The following SHROOM3 variants were observed in gnomAD, a reference collection of about 807,000 sequenced individuals.
The protein encoded by SHROOM3 is shroom family member 3.
SHROOM3 carries 47 observed loss-of-function variants against 138.6 expected under a neutral mutation model. That is an observed-to-expected ratio of 0.34 (90% confidence interval 0.27 to 0.43). The LOEUF (loss-of-function observed/expected upper bound fraction) is 0.43, where lower values mean the gene tolerates loss of function less well. Ranked by LOEUF, SHROOM3 falls within the 20% of genes least tolerant of loss-of-function variation. The probability of loss-of-function intolerance (pLI) is 1.00; values close to 1 mark genes in which losing one functional copy is unlikely to be tolerated. For synonymous variants in SHROOM3, 1,062 were observed against 1,063.3 expected (o/e 1.00, Z 0.02); for missense variants, 2,491 against 2,596.5 (o/e 0.96, Z 0.88).
intron 1 of SHROOM3, among the ~76,000 whole-genome samples, chr4:76,457,459 C>T (rs2109973489): frequency 6.6e-6 from 1 of 152,104 alleles, no homozygotes; most frequent in South Asian, 2.1e-4. Flanking sequence ...GTACAGCCTG[C>T]AGAACCGTGA....
At chr4:76,723,984 G>C (rs1295183040) in intron 3 of SHROOM3, among the ~76,000 whole-genome samples, 1 of 152,182 alleles carries the variant, frequency 6.6e-6, no homozygotes, top group African/African-American at 2.4e-5. Flanking sequence ...AATTTAACAA[G>C]GTTGAAGGCA....
chr4:76,492,711 A>G (rs1337234897), intron 1 of SHROOM3, among the ~76,000 whole-genome samples: 1 of 152,198 alleles, frequency 6.6e-6, no homozygotes, highest in Non-Finnish European at 1.5e-5. Context: ...TGTTTGAATA[A>G]ATCATGCATG....
intron 2 of SHROOM3, among the ~76,000 whole-genome samples, chr4:76,560,399 A>T (rs1560546017): frequency 6.6e-6 from 1 of 152,184 alleles, no homozygotes; most frequent in Non-Finnish European, 1.5e-5. Flanking sequence ...CTGTGTATTC[A>T]TATAAATACA....
chr4:76,638,392 A>AC (rs1163435102), intron 2 of SHROOM3, among the ~76,000 whole-genome samples: 2 of 151,018 alleles, frequency 1.3e-5, no homozygotes, highest in African/African-American at 4.9e-5. Flanking sequence ...TGTTTCAACA[A>AC]AAAAAAAATC....
intron 6 of SHROOM3, among the ~76,000 whole-genome samples, chr4:76,749,889 G>C (rs908463607): frequency 8.5e-5 from 13 of 152,130 alleles, no homozygotes; most frequent in African/African-American, 3.1e-4. Context: ...CAGCATTACA[G>C]AGTTATCTAC....
intron 6 of SHROOM3, among the ~76,000 whole-genome samples, chr4:76,749,948 T>C (rs1721567628): frequency 6.6e-6 from 1 of 152,214 alleles, no homozygotes; most frequent in South Asian, 2.1e-4. Context: ...TACCTACTCC[T>C]TTCTACGTTT....
intron 1 of SHROOM3, among the ~76,000 whole-genome samples, chr4:76,497,963 G>C (rs1479924386): frequency 6.6e-6 from 1 of 152,208 alleles, no homozygotes; most frequent in East Asian, 1.9e-4. Flanking sequence ...TCGAGCCCCT[G>C]GTCAATGTGA....
At chr4:76,511,310 T>C (rs1460478445) in intron 1 of SHROOM3, among the ~76,000 whole-genome samples, 1 of 151,564 alleles carries the variant, frequency 6.6e-6, no homozygotes, top group Non-Finnish European at 1.5e-5. Flanking sequence ...TAGGATAAGA[T>C]GGTATTATTT....
intron 1 of SHROOM3, among the ~76,000 whole-genome samples, chr4:76,523,754 A>T (rs925897714): frequency 2.0e-5 from 3 of 152,198 alleles, no homozygotes; most frequent in African/African-American, 7.2e-5. Flanking sequence ...TTCCATGAGC[A>T]GTGACAGCCG....
At chr4:76,590,275 C>T (rs1438901919) in intron 2 of SHROOM3, among the ~76,000 whole-genome samples, 1 of 152,170 alleles carries the variant, frequency 6.6e-6, no homozygotes, top group East Asian at 1.9e-4. Context: ...CCTAGAAAGA[C>T]CTGATCATTT....
chr4:76,677,808 A>G (rs1719082935), intron 2 of SHROOM3, among the ~76,000 whole-genome samples: 1 of 152,232 alleles, frequency 6.6e-6, no homozygotes, highest in Admixed American at 6.5e-5. Context: ...AGTATGTGGC[A>G]TAATACTCAC....
chr4:76,674,562 T>G (rs1171256404), intron 2 of SHROOM3, among the ~76,000 whole-genome samples: 2 of 142,540 alleles, frequency 1.4e-5, no homozygotes, highest in Non-Finnish European at 3.1e-5. Context: ...TCCTTTTTTT[T>G]TTTTTTTTTT....
At chr4:76,603,838 CTTTTTTTTT>C (rs993165829) in intron 2 of SHROOM3, among the ~76,000 whole-genome samples, 1 of 97,284 alleles carries the variant, frequency 1.0e-5, no homozygotes, top group Non-Finnish European at 2.0e-5. Flanking sequence ...ATCTTGTATT[CTTTTTTTTT>C]TTTTTTTTTT....
rs138282404 is a variant in SHROOM3 at position 76,475,331 on chromosome 4, G to A, written c.168+39111G>A. On this transcript the variant is annotated intron_variant, in intron 1 of 10. Transcript: ENST00000296043. ...AACTGTATTAGTCTAAGTCTCAATG[G>A]GTTGCTATATTAGAATAATTCACTA... Among the ~76,000 whole-genome samples, 970 of 152,230 alleles carry A rather than the reference G, an allele frequency of 6.4e-3. 5 individuals are homozygous for A. The highest frequency in any genetic ancestry group is 0.014 in the Middle Eastern group (4 of 294).
chr4:76,602,032 G>A (rs1018584529), intron 2 of SHROOM3, among the ~76,000 whole-genome samples: 17 of 152,208 alleles, frequency 1.1e-4, no homozygotes, highest in African/African-American at 3.9e-4. Context: ...GCAGAAGAAC[G>A]AAGTTGGTTG....
At chr4:76,754,175 A>G (rs1721724664) in intron 6 of SHROOM3, 136 bp from the exon 7 acceptor site, 1 of 1,103,392 alleles carries the variant, frequency 9.1e-7, no homozygotes. Flanking sequence ...CAGGGAAGAC[A>G]GTGTGCAGTT....
At chr4:76,610,082 G>A (rs748316064) in intron 2 of SHROOM3, among the ~76,000 whole-genome samples, 1 of 152,194 alleles carries the variant, frequency 6.6e-6, no homozygotes, top group African/African-American at 2.4e-5. Flanking sequence ...AGGGTAATGA[G>A]GATATAATCT....
chr4:76,709,826 C>A (rs1243349485), intron 2 of SHROOM3: 2 of 294,838 alleles, frequency 6.8e-6, no homozygotes, highest in Non-Finnish European at 1.3e-5. Context: ...TTACCAAAAC[C>A]AAATTACAGG....
chr4:76,644,036 G>T (rs372550665), intron 2 of SHROOM3, among the ~76,000 whole-genome samples: 1 of 151,968 alleles, frequency 6.6e-6, no homozygotes, highest in Non-Finnish European at 1.5e-5. Context: ...TAGAGACAGG[G>T]TTTCACCATG....
Sources: gnomAD v4.1 joint callset for allele counts (sites outside exome capture counted in the v4.1 genomes callset) on GRCh38, gnomAD v4.1.1 for gene constraint, MANE v1.5 for transcripts, NCBI Gene and HGNC (gene_info 2026-07-23, HGNC 2026-07-21) for gene names.